The following ATP10B variants were observed in gnomAD, a reference collection of about 807,000 sequenced individuals.
ATP10B encodes ATPase phospholipid transporting 10B (putative).
ATP10B carries 122 observed loss-of-function variants against 141.2 expected under a neutral mutation model. The observed-to-expected ratio is 0.86, with a 90% CI of 0.75 to 1.00. The LOEUF (loss-of-function observed/expected upper bound fraction) is 1.00, where lower values mean the gene tolerates loss of function less well. Ranked by LOEUF, ATP10B falls within the 50% of genes least tolerant of loss-of-function variation. The pLI is 0.00. For missense variants in ATP10B, 1,876 were observed against 1,825.3 expected, an observed-to-expected ratio of 1.03 and a Z score of -0.51; for synonymous variants, 685 against 692.0, an observed-to-expected ratio of 0.99 and a Z score of 0.16.
intron 3 of ATP10B, among the ~76,000 whole-genome samples, chr5:160,692,111 A>G (rs1324226519): frequency 6.6e-6 from 1 of 152,172 alleles, no homozygotes; most frequent in Non-Finnish European, 1.5e-5. Context: ...TGATGTGGGA[A>G]ATGTAGTTAT....
chr5:160,855,619 A>G (rs1325445343), upstream of ATP10B, among the ~76,000 whole-genome samples: 2 of 151,830 alleles, frequency 1.3e-5, no homozygotes, highest in Admixed American at 1.3e-4. Flanking sequence ...GTTTATTTAC[A>G]TCAATTTTTA....
intron 3 of ATP10B, among the ~76,000 whole-genome samples, chr5:160,697,634 T>C (rs968330925): frequency 3.3e-5 from 5 of 151,978 alleles, no homozygotes; most frequent in African/African-American, 1.2e-4. Flanking sequence ...CTTTGGTTGG[T>C]AAAAGTGGGG....
At chr5:160,758,544 A>C (rs1007664290) in intron 2 of ATP10B, among the ~76,000 whole-genome samples, 4 of 152,174 alleles carry the variant, frequency 2.6e-5, no homozygotes, top group Non-Finnish European at 4.4e-5. Context: ...ACATGGAGGG[A>C]ACTAGGGGTC....
intron 2 of ATP10B, among the ~76,000 whole-genome samples, chr5:160,727,617 G>A (rs1766448547): frequency 6.6e-6 from 1 of 151,944 alleles, no homozygotes. Context: ...TTTAGGGTGG[G>A]AACTTTGGGT....
At chr5:160,844,259 G>A (rs1449229544) in intron 1 of ATP10B, among the ~76,000 whole-genome samples, 1 of 151,982 alleles carries the variant, frequency 6.6e-6, no homozygotes, top group East Asian at 1.9e-4. Context: ...ACTGTTCATA[G>A]GAACATTCTT....
At chr5:160,768,222 C>T (rs113575314) in intron 2 of ATP10B, among the ~76,000 whole-genome samples, 518 of 152,218 alleles carry the variant, frequency 3.4e-3, no homozygotes, top group Non-Finnish European at 4.9e-3. Context: ...AAATCCTTTA[C>T]GCCTATTGCT....
intron 7 of ATP10B, among the ~76,000 whole-genome samples, chr5:160,652,913 G>GTATATATAATATATTATATATACATT (rs1760934173): frequency 1.8e-5 from 1 of 56,944 alleles, no homozygotes; most frequent in Non-Finnish European, 2.8e-5. Flanking sequence ...ATATATACAT[G>GTATATATAATATATTATATATACATT]TATATATAAT....
chr5:160,890,676 T>C, the ATP10B span, among the ~76,000 whole-genome samples: 1 of 152,202 alleles, frequency 6.6e-6, no homozygotes, highest in Non-Finnish European at 1.5e-5. Flanking sequence ...TGTTTATCCA[T>C]TCATCATCTG....
At chr5:160,925,744 A>G in the ATP10B span, among the ~76,000 whole-genome samples, 1 of 152,244 alleles carries the variant, frequency 6.6e-6, no homozygotes, top group Non-Finnish European at 1.5e-5. Context: ...CTCCTTTGGT[A>G]AGTTGCATCT....
chr5:160,692,336 G>A (rs1237195580), intron 3 of ATP10B, among the ~76,000 whole-genome samples: 1 of 152,116 alleles, frequency 6.6e-6, no homozygotes, highest in Non-Finnish European at 1.5e-5. Context: ...ACTTTTTAGT[G>A]GAGAAATGTG....
intron 1 of ATP10B, among the ~76,000 whole-genome samples, chr5:160,814,654 G>A (rs138679580): frequency 0.015 from 2,339 of 152,112 alleles, 25 homozygotes; most frequent in Middle Eastern, 0.045. Context: ...GATACTCCAC[G>A]AGAAGAGCAA....
intron 1 of ATP10B, among the ~76,000 whole-genome samples, chr5:160,812,568 G>T (rs1307889845): frequency 6.6e-6 from 1 of 152,090 alleles, no homozygotes; most frequent in Admixed American, 6.5e-5. Flanking sequence ...TAATTAAAAG[G>T]AATCAAGCAG....
At chr5:160,589,724 T>A (rs770808324) in intron 23 of ATP10B, 28 bp from the exon 24 acceptor site, 1 of 1,535,786 alleles carries the variant, frequency 6.5e-7, no homozygotes. Flanking sequence ...ACAGGCATTG[T>A]CAGGTATGTC....
At chr5:160,661,540 G>C (rs939229330) in intron 7 of ATP10B, among the ~76,000 whole-genome samples, 1 of 152,162 alleles carries the variant, frequency 6.6e-6, no homozygotes, top group Non-Finnish European at 1.5e-5. Context: ...TTTGCAGAGA[G>C]TAGAGGGTGG....
chr5:160,653,675 T>C (rs183662178), intron 7 of ATP10B, among the ~76,000 whole-genome samples: 172 of 25,478 alleles, frequency 6.8e-3, no homozygotes, highest in African/African-American at 0.016. Flanking sequence ...ATATATATTA[T>C]ATATACATAT....
At chr5:160,721,709 G>A (rs1262657614) in intron 2 of ATP10B, among the ~76,000 whole-genome samples, 1 of 152,148 alleles carries the variant, frequency 6.6e-6, no homozygotes, top group Non-Finnish European at 1.5e-5. Context: ...CTAAAAGACA[G>A]AACAGATGGC....
intron 6 of ATP10B, among the ~76,000 whole-genome samples, chr5:160,683,286 C>A (rs1763545890): frequency 6.6e-6 from 1 of 152,110 alleles, no homozygotes. Context: ...ATTAATTTTT[C>A]TAAACGTGCA....
At chr5:160,642,198 T>C (rs1230940574) in intron 9 of ATP10B, among the ~76,000 whole-genome samples, 1 of 152,242 alleles carries the variant, frequency 6.6e-6, no homozygotes, top group Non-Finnish European at 1.5e-5. Context: ...TGAGTGATCC[T>C]CTTTGTACTT....
At chr5:160,787,319 G>A (rs755282780) in intron 1 of ATP10B, among the ~76,000 whole-genome samples, 5 of 152,042 alleles carry the variant, frequency 3.3e-5, no homozygotes, top group Admixed American at 6.6e-5. Context: ...CATTTACTTC[G>A]TTCACCGTAT....
Sources: gnomAD v4.1 joint callset for allele counts (sites outside exome capture counted in the v4.1 genomes callset) on GRCh38, gnomAD v4.1.1 for gene constraint, MANE v1.5 for transcripts, NCBI Gene and HGNC (gene_info 2026-07-23, HGNC 2026-07-21) for gene names.